Variants in OSBPL10 observed in about 807,000 individuals in gnomAD.
OSBPL10 encodes the protein oxysterol-binding protein-related protein 10.
Under a neutral mutation model 81.7 loss-of-function variants are expected in OSBPL10, and 49 were observed. The observed-to-expected ratio is 0.60, with a 90% confidence interval of 0.48 to 0.76. OSBPL10 has a LOEUF of 0.76. OSBPL10 is among the 30% of genes least tolerant of loss of function. OSBPL10 has a pLI of 0.00. For missense variants in OSBPL10, 923 were observed against 987.8 expected, an observed-to-expected ratio of 0.93 and a Z score of 0.88; for synonymous variants, 419 against 383.6, an observed-to-expected ratio of 1.09 and a Z score of -1.08.
chr3:31,847,731 G>A (rs1218451810), intron 3 of OSBPL10, among the ~76,000 whole-genome samples: 1 of 152,054 alleles, frequency 6.6e-6, no homozygotes, highest in Admixed American at 6.6e-5. Flanking sequence ...ATTTAATATG[G>A]AAAATTGGTT....
chr3:31,726,424 C>T (rs1205333365), intron 6 of OSBPL10, among the ~76,000 whole-genome samples: 5 of 152,048 alleles, frequency 3.3e-5, no homozygotes, highest in African/African-American at 1.2e-4. Context: ...TCAAGCGATT[C>T]CCCCTCCTCA....
intron 3 of OSBPL10, among the ~76,000 whole-genome samples, chr3:31,874,276 C>T (rs1344845732): frequency 6.6e-6 from 1 of 152,066 alleles, no homozygotes; most frequent in African/African-American, 2.4e-5. Context: ...AACCTATAAA[C>T]TCCTTGAAAA....
At chr3:31,755,389 G>A (rs1019647581) in intron 4 of OSBPL10, among the ~76,000 whole-genome samples, 8 of 152,168 alleles carry the variant, frequency 5.3e-5, no homozygotes, top group Admixed American at 2.0e-4. Flanking sequence ...CTAACTGGCC[G>A]GTTGGAAGTT....
At chr3:31,876,926 C>T (rs1394469783) in intron 2 of OSBPL10, among the ~76,000 whole-genome samples, 40 of 126,136 alleles carry the variant, frequency 3.2e-4, no homozygotes, top group African/African-American at 1.1e-3. Context: ...TTTTTTGAGA[C>T]GGAGTCTCGC....
At chr3:31,673,650 C>A (rs752706443) in intron 8 of OSBPL10, among the ~76,000 whole-genome samples, 2 of 152,216 alleles carry the variant, frequency 1.3e-5, no homozygotes, top group Non-Finnish European at 2.9e-5. Context: ...TAGCCCCCAA[C>A]TTACTGTGGT....
chr3:31,870,273 G>A (rs1701286374), intron 3 of OSBPL10, among the ~76,000 whole-genome samples: 1 of 152,256 alleles, frequency 6.6e-6, no homozygotes, highest in Admixed American at 6.5e-5. Flanking sequence ...GCCAGTGGCT[G>A]CGGAGGGTGT....
intron 3 of OSBPL10, among the ~76,000 whole-genome samples, chr3:31,845,316 C>T (rs1312988743): frequency 6.6e-6 from 1 of 152,070 alleles, no homozygotes; most frequent in East Asian, 1.9e-4. Context: ...ATTTCTTCTT[C>T]GTGTAGGCAG....
intron 4 of OSBPL10, among the ~76,000 whole-genome samples, chr3:31,786,419 T>C (rs1698859659): frequency 6.6e-6 from 1 of 152,194 alleles, no homozygotes; most frequent in South Asian, 2.1e-4. Context: ...GACTGGGTAA[T>C]TTATAGACAG....
chr3:31,725,040 G>C (rs546350624), intron 6 of OSBPL10, among the ~76,000 whole-genome samples: 53 of 152,274 alleles, frequency 3.5e-4, no homozygotes, highest in African/African-American at 1.2e-3. Context: ...AACGTCACTT[G>C]GTTAAGAGAC....
At chr3:31,930,893 A>G (rs1033024707) in intron 1 of OSBPL10, among the ~76,000 whole-genome samples, 2 of 151,638 alleles carry the variant, frequency 1.3e-5, no homozygotes, top group African/African-American at 4.8e-5. Context: ...AGGCACCTGT[A>G]GTCCCAGCTA....
chr3:31,980,838 C>G (rs1242656466), intron 1 of OSBPL10, 61 bp downstream of exon 1: 9 of 1,424,740 alleles, frequency 6.3e-6, no homozygotes, highest in Non-Finnish European at 8.2e-6. Context: ...TACACACACG[C>G]ACGCACACAC....
At chr3:32,026,057 T>TAGATAGATAGATAGATGATAGATA (rs58717718) in intron 2 of OSBPL10, among the ~76,000 whole-genome samples, 4 of 111,346 alleles carry the variant, frequency 3.6e-5, no homozygotes, top group Middle Eastern at 4.3e-3. Context: ...GATAGATAGA[T>TAGATAGATAGATAGATGATAGATA]GATAGATAGA....
chr3:31,730,963 G>A (rs1696955449), intron 6 of OSBPL10, among the ~76,000 whole-genome samples: 1 of 152,064 alleles, frequency 6.6e-6, no homozygotes, highest in African/African-American at 2.4e-5. Context: ...AAGCATTAAG[G>A]ACCTGCTCAT....
chr3:31,744,814 A>G (rs958184703), intron 5 of OSBPL10, among the ~76,000 whole-genome samples: 12 of 151,980 alleles, frequency 7.9e-5, no homozygotes, highest in African/African-American at 2.7e-4. Flanking sequence ...ATTTTCTAGG[A>G]AGCCCTGAAG....
chr3:31,682,200 T>C (rs567031616), intron 8 of OSBPL10, among the ~76,000 whole-genome samples: 1 of 151,980 alleles, frequency 6.6e-6, no homozygotes, highest in African/African-American at 2.4e-5. Flanking sequence ...CCTAGTCTCC[T>C]TGTTTCCACC....
chr3:31,967,550 G>A (rs1698434840), intron 1 of OSBPL10, among the ~76,000 whole-genome samples: 1 of 152,134 alleles, frequency 6.6e-6, no homozygotes, highest in Non-Finnish European at 1.5e-5. Context: ...GAGTAATGAG[G>A]AAACAAGCAA....
chr3:31,792,858 CTCTGTG>C (rs879649394), intron 4 of OSBPL10, among the ~76,000 whole-genome samples: 2,430 of 86,012 alleles, frequency 0.028, 42 homozygotes, highest in Non-Finnish European at 0.034. Flanking sequence ...TATCTAGGCA[CTCTGTG>C]TGTGTGTGTG....
At chr3:32,057,413 G>A (rs1699720667) in intron 1 of OSBPL10, among the ~76,000 whole-genome samples, 1 of 152,100 alleles carries the variant, frequency 6.6e-6, no homozygotes, top group Admixed American at 6.5e-5. Flanking sequence ...TTTTCATACT[G>A]CTATAGAGAA....
At chr3:31,979,913 G>A (rs1698783565) in intron 1 of OSBPL10, among the ~76,000 whole-genome samples, 1 of 152,030 alleles carries the variant, frequency 6.6e-6, no homozygotes, top group Non-Finnish European at 1.5e-5. Flanking sequence ...GGGACCTGAA[G>A]AGGAAATAAT....
Sources: gnomAD v4.1 joint callset for allele counts (sites outside exome capture counted in the v4.1 genomes callset) on GRCh38, gnomAD v4.1.1 for gene constraint, MANE v1.5 for transcripts, NCBI Gene and HGNC (gene_info 2026-07-23, HGNC 2026-07-21) for gene names.